The following NOL4 variants were observed in gnomAD, a reference collection of about 807,000 sequenced individuals.
NOL4 encodes cancer/testis antigen 125.
In NOL4, 17 loss-of-function variants were observed where a neutral mutation model predicts 75.9. That is an observed-to-expected ratio of 0.22 (90% confidence interval 0.15 to 0.34). The LOEUF (loss-of-function observed/expected upper bound fraction) is 0.34, where lower values mean the gene tolerates loss of function less well. Among genes scored for constraint, NOL4 ranks in the 10% least tolerant of loss-of-function variants. The probability of loss-of-function intolerance (pLI) is 1.00; values close to 1 mark genes in which losing one functional copy is unlikely to be tolerated. For synonymous variants in NOL4, 292 were observed against 289.9 expected (o/e 1.01, Z -0.07); for missense variants, 614 against 793.5 (o/e 0.77, Z 2.72).
intron 10 of NOL4, among the ~76,000 whole-genome samples, chr18:33,864,599 C>T (rs2063338851): frequency 6.6e-6 from 1 of 152,188 alleles, no homozygotes; most frequent in South Asian, 2.1e-4. Context: ...CTGTTTTCCT[C>T]TGAGCCCTCC....
intron 1 of NOL4, among the ~76,000 whole-genome samples, chr18:34,157,543 G>A (rs993751511): frequency 6.0e-5 from 9 of 151,184 alleles, no homozygotes; most frequent in Admixed American, 2.0e-4. Flanking sequence ...AGATAACACA[G>A]ATTTAGAAGA....
intron 10 of NOL4, 94 bp downstream of exon 10, chr18:33,883,150 T>C (rs2064407673): frequency 2.3e-6 from 2 of 882,056 alleles, no homozygotes; most frequent in South Asian, 1.8e-5. Flanking sequence ...GGCACATGTA[T>C]ACATATGTAA....
intron 1 of NOL4, among the ~76,000 whole-genome samples, chr18:34,188,772 A>T (rs1270899834): frequency 6.6e-6 from 1 of 152,196 alleles, no homozygotes; most frequent in Non-Finnish European, 1.5e-5. Context: ...AACATTGTAC[A>T]GTTCAAAAAC....
At chr18:33,863,438 A>G (rs1352347085) in intron 10 of NOL4, among the ~76,000 whole-genome samples, 1 of 152,148 alleles carries the variant, frequency 6.6e-6, no homozygotes, top group East Asian at 1.9e-4. Flanking sequence ...AAAAAAAGTT[A>G]CTTCCAAGAT....
chr18:34,197,630 C>T (rs2035427292), intron 1 of NOL4, among the ~76,000 whole-genome samples: 1 of 151,868 alleles, frequency 6.6e-6, no homozygotes, highest in African/African-American at 2.4e-5. Context: ...AGAAGAAATA[C>T]TAAGGAGACA....
chr18:33,862,450 C>T (rs1252182234), intron 10 of NOL4, among the ~76,000 whole-genome samples: 2 of 152,130 alleles, frequency 1.3e-5, no homozygotes, highest in Non-Finnish European at 2.9e-5. Flanking sequence ...AGCTTCTGCA[C>T]AGCAAAAGAA....
chr18:33,862,586 G>C (rs973512751), intron 10 of NOL4, among the ~76,000 whole-genome samples: 2 of 151,804 alleles, frequency 1.3e-5, no homozygotes, highest in African/African-American at 2.4e-5. Flanking sequence ...AAAAAACAAA[G>C]AGCCCCATCA....
intron 6 of NOL4, among the ~76,000 whole-genome samples, chr18:33,983,761 A>C (rs1195004045): frequency 1.3e-5 from 2 of 151,882 alleles, no homozygotes; most frequent in Non-Finnish European, 2.9e-5. Flanking sequence ...CTCTTCCCTC[A>C]CTTTTTAAAA....
At chr18:34,122,438 G>A (rs1182821878) in intron 2 of NOL4, among the ~76,000 whole-genome samples, 1 of 151,828 alleles carries the variant, frequency 6.6e-6, no homozygotes, top group African/African-American at 2.4e-5. Flanking sequence ...TGATTAAGAG[G>A]GGGAAAAAAG....
chr18:34,071,714 T>C (rs1600483026), intron 5 of NOL4, among the ~76,000 whole-genome samples: 1 of 152,320 alleles, frequency 6.6e-6, no homozygotes, highest in South Asian at 2.1e-4. Flanking sequence ...TCTGAGCACT[T>C]TTAAGCTAGA....
intron 1 of NOL4, among the ~76,000 whole-genome samples, chr18:34,204,499 T>C (rs572898148): frequency 6.6e-6 from 1 of 152,272 alleles, no homozygotes; most frequent in Non-Finnish European, 1.5e-5. Flanking sequence ...TCCATTTATA[T>C]GAAAAGACTT....
chr18:33,871,067 C>T (rs1323094544), intron 10 of NOL4, among the ~76,000 whole-genome samples: 6 of 151,678 alleles, frequency 4.0e-5, no homozygotes, highest in African/African-American at 4.8e-5. Flanking sequence ...AGCAATTGTT[C>T]GTGGATGAAA....
chr18:34,222,245 A>C, intron 1 of NOL4: 1 of 1,404,672 alleles, frequency 7.1e-7, no homozygotes, highest in Non-Finnish European at 9.2e-7. Flanking sequence ...AAAAGGAACA[A>C]ATACACACAC....
chr18:34,099,771 G>A (rs2078959622), intron 4 of NOL4, among the ~76,000 whole-genome samples: 2 of 151,954 alleles, frequency 1.3e-5, no homozygotes, highest in Non-Finnish European at 2.9e-5. Context: ...GAATTCCATG[G>A]CTTGTCATTT....
At chr18:33,877,113 A>T (rs1409817663) in intron 10 of NOL4, among the ~76,000 whole-genome samples, 1 of 152,048 alleles carries the variant, frequency 6.6e-6, no homozygotes, top group Non-Finnish European at 1.5e-5. Flanking sequence ...AATTTTCTGC[A>T]TGCCATACTG....
chr18:33,994,007 A>C (rs560644414), intron 6 of NOL4, among the ~76,000 whole-genome samples: 174 of 151,986 alleles, frequency 1.1e-3, no homozygotes, highest in Middle Eastern at 3.4e-3. Flanking sequence ...TGGCTACATT[A>C]ATATAAGACA....
intron 9 of NOL4, among the ~76,000 whole-genome samples, chr18:33,920,919 C>T (rs974429157): frequency 2.6e-5 from 4 of 152,156 alleles, no homozygotes; most frequent in African/African-American, 7.2e-5. Context: ...GAAGAGGTCG[C>T]GGCCACTGCC....
intron 1 of NOL4, among the ~76,000 whole-genome samples, chr18:34,211,028 C>T (rs908697550): frequency 1.3e-5 from 2 of 151,450 alleles, no homozygotes; most frequent in African/African-American, 4.8e-5. Flanking sequence ...TGCAGTGAGC[C>T]GAGATCGCAG....
intron 5 of NOL4, among the ~76,000 whole-genome samples, chr18:34,083,861 A>C (rs1448223901): frequency 6.6e-6 from 1 of 152,176 alleles, no homozygotes; most frequent in Non-Finnish European, 1.5e-5. Flanking sequence ...ATATTCATCC[A>C]TGGACGTTGT....
Sources: gnomAD v4.1 joint callset for allele counts (sites outside exome capture counted in the v4.1 genomes callset) on GRCh38, gnomAD v4.1.1 for gene constraint, MANE v1.5 for transcripts, NCBI Gene and HGNC (gene_info 2026-07-23, HGNC 2026-07-21) for gene names.